LMF1: variants seen among roughly 807,000 people sequenced by gnomAD.
LMF1 encodes lipase maturation factor 1, also known as transmembrane protein 112.
In LMF1, 68 loss-of-function variants were observed where a neutral mutation model predicts 60.6. That is an observed-to-expected ratio of 1.12 (90% CI 0.92 to 1.37). The LOEUF (loss-of-function observed/expected upper bound fraction) is 1.37, where lower values mean the gene tolerates loss of function less well. Ranked by LOEUF, LMF1 falls within the 40% of genes most tolerant of loss-of-function variation. The pLI is 0.00. For synonymous variants in LMF1, 418 were observed against 324.7 expected, an observed-to-expected ratio of 1.29 and a Z score of -3.09; for missense variants, 948 against 767.2, an observed-to-expected ratio of 1.24 and a Z score of -2.78.
upstream of LMF1, among the ~76,000 whole-genome samples, chr16:972,379 G>A (rs975519967): frequency 6.6e-6 from 1 of 152,236 alleles, no homozygotes; most frequent in African/African-American, 2.4e-5. Flanking sequence ...GTGTGCCTGA[G>A]GGCTCGGAGC....
At position 868,938 on chromosome 16, in the gene LMF1, T is replaced by G. The variant is rs765586986; in HGVS notation, c.1529+6A>C. On this transcript the variant is annotated splice_donor_region_variant and intron_variant, in intron 10 of 10. Transcript: ENST00000262301. ...CCCCTGAGCAGCGGCAGGGAGGGCA[T>G]CCTACCTGGGCGGGGGCCTGCCCGC... 6.3e-7 allele frequency: 1 copy of G among 1,584,846 alleles called. No individual in the cohort carries two copies. The highest frequency in any genetic ancestry group is 2.2e-5 in the East Asian group (1 of 44,744).
At chr16:979,518 G>A (rs1488247782) in intron 1 of LMF1, 2 of 407,260 alleles carry the variant, frequency 4.9e-6, no homozygotes, top group Non-Finnish European at 9.9e-6. Flanking sequence ...CAGTTGCACA[G>A]ACCACCGTGC....
At chr16:975,369 T>A (rs901757876), upstream of LMF1, among the ~76,000 whole-genome samples, 10 of 152,110 alleles carry the variant, frequency 6.6e-5, no homozygotes, top group African/African-American at 2.4e-4. Context: ...GAAGAAGCCT[T>A]GAGAGTTGCC....
At chr16:915,059 T>C (rs1596984936) in intron 3 of LMF1, among the ~76,000 whole-genome samples, 2 of 150,992 alleles carry the variant, frequency 1.3e-5, no homozygotes, top group South Asian at 4.2e-4. Flanking sequence ...GCTTGTAGGG[T>C]TTTCACCATC....
intron 5 of LMF1, chr16:886,914 C>A (rs1054635162): frequency 4.8e-5 from 7 of 146,162 alleles, no homozygotes; most frequent in Non-Finnish European, 1.1e-4. Context: ...GCCCTTCCTT[C>A]CCAGCCCCCA....
intron 1 of LMF1, among the ~76,000 whole-genome samples, chr16:966,724 G>T (rs193178150): frequency 3.9e-5 from 6 of 152,148 alleles, no homozygotes; most frequent in Non-Finnish European, 8.8e-5. Context: ...ACGGCCCAGC[G>T]GTCACTCTCA....
chr16:948,469 C>T (rs1213311758), intron 2 of LMF1, among the ~76,000 whole-genome samples: 1 of 146,016 alleles, frequency 6.8e-6, no homozygotes, highest in Non-Finnish European at 1.5e-5. Flanking sequence ...GAGTCAGAGA[C>T]AATGACAGAG....
At chr16:979,973 G>A (rs2073297303) in intron 1 of LMF1, 4 of 349,830 alleles carry the variant, frequency 1.1e-5, no homozygotes, top group Admixed American at 3.7e-5. Flanking sequence ...CACTGCAGAC[G>A]GAGGTGTGGG....
intron 3 of LMF1, among the ~76,000 whole-genome samples, chr16:918,921 C>G (rs981244994): frequency 6.6e-6 from 1 of 152,156 alleles, no homozygotes; most frequent in Non-Finnish European, 1.5e-5. Context: ...TGGGCGCCTG[C>G]TCAGAGACAC....
At chr16:949,499 G>C (rs2072374239) in intron 2 of LMF1, among the ~76,000 whole-genome samples, 2 of 135,204 alleles carry the variant, frequency 1.5e-5, no homozygotes, top group Admixed American at 1.5e-4. Flanking sequence ...GACAACGACA[G>C]AGTTAGAGAC....
In LMF1 at chr16:917,268, C is replaced by A. The variant is rs115831022; in HGVS notation, c.515-6189G>T. On this transcript the variant is annotated intron_variant, in intron 3 of 10. Transcript: ENST00000262301. ...GCAGAGCACATGCTGCGCAGGCCCA[C>A]GTGAAGAAATGCCACACGTGTGCAC... Among the ~76,000 whole-genome samples the A allele has an allele frequency of 9.1e-3, 1,379 of 151,030 alleles. 47 individuals are homozygous for A. The highest frequency in any genetic ancestry group is 0.032 in the African/African-American group (1,289 of 40,414).
chr16:862,954 C>T (rs191986244), intron 10 of LMF1, among the ~76,000 whole-genome samples: 61 of 152,246 alleles, frequency 4.0e-4, no homozygotes, highest in Admixed American at 1.0e-3. Context: ...CCAGTGAAAC[C>T]ATCTGAGCCT....
chr16:972,319 C>T (rs576032356), upstream of LMF1, among the ~76,000 whole-genome samples: 21 of 152,336 alleles, frequency 1.4e-4, no homozygotes, highest in East Asian at 5.8e-4. Flanking sequence ...GCAACGGGTA[C>T]GAACACACAA....
chr16:890,578 C>T (rs182955070), intron 5 of LMF1, among the ~76,000 whole-genome samples: 1 of 152,328 alleles, frequency 6.6e-6, no homozygotes, highest in Admixed American at 6.5e-5. Flanking sequence ...CCTCACACAC[C>T]CTGCACTCCA....
chr16:929,555 G>C (rs2071710109), intron 3 of LMF1, among the ~76,000 whole-genome samples: 2 of 152,254 alleles, frequency 1.3e-5, no homozygotes, highest in African/African-American at 4.8e-5. Context: ...CGCAAGGGCG[G>C]CTGGAAGCTC....
At chr16:908,932 G>A (rs1391786070) in intron 4 of LMF1, among the ~76,000 whole-genome samples, 4 of 152,188 alleles carry the variant, frequency 2.6e-5, no homozygotes, top group Non-Finnish European at 4.4e-5. Context: ...AGAGAGGAAA[G>A]CTGGAGGCTC....
At chr16:979,048 GGCCAGCGTCT>G (rs1382117001) in intron 1 of LMF1, 13 of 453,934 alleles carry the variant, frequency 2.9e-5, no homozygotes, top group African/African-American at 2.6e-4. Flanking sequence ...CCCTCCACAA[GGCCAGCGTCT>G]GCAGGGCAGG....
At chr16:943,147 G>A (rs146017581) in intron 2 of LMF1, among the ~76,000 whole-genome samples, 1,849 of 152,040 alleles carry the variant, frequency 0.012, 22 homozygotes, top group South Asian at 0.096. Context: ...CGAGGCGGGT[G>A]GATCACAAGG....
intron 1 of LMF1, among the ~76,000 whole-genome samples, chr16:967,371 G>A (rs2072946351): frequency 6.6e-6 from 1 of 152,218 alleles, no homozygotes; most frequent in Non-Finnish European, 1.5e-5. Flanking sequence ...AAACAGTGAG[G>A]GATTCTGGCC....
Sources: allele counts gnomAD v4.1 joint callset (sites outside exome capture counted in the v4.1 genomes callset), GRCh38; gene constraint gnomAD v4.1.1; transcripts MANE v1.5; gene names NCBI Gene and HGNC (gene_info 2026-07-23, HGNC 2026-07-21).